THNSL2: variants seen among roughly 807,000 people sequenced by gnomAD.
THNSL2 encodes threonine synthase-like 2.
THNSL2 carries 34 observed loss-of-function variants against 40.0 expected under a neutral mutation model. That is an observed-to-expected ratio of 0.85 (90% CI 0.65 to 1.13). The LOEUF is 1.13. THNSL2 is among the 50% of genes most tolerant of loss of function. THNSL2 has a pLI of 0.00. For missense variants in THNSL2, 537 were observed against 608.8 expected (o/e 0.88, Z 1.24); for synonymous variants, 241 against 247.5 (o/e 0.97, Z 0.25).
At chr2:88,182,517 A>G in intron 5 of THNSL2, 182 bp from the exon 6 acceptor site, 1 of 557,870 alleles carries the variant, frequency 1.8e-6, no homozygotes, top group East Asian at 2.9e-5. Context: ...CTTATCAGAT[A>G]TATGAATTGC....
intron 7 of THNSL2, among the ~76,000 whole-genome samples, chr2:88,184,773 A>C (rs1430600938): frequency 1.2e-5 from 1 of 82,854 alleles, no homozygotes; most frequent in Non-Finnish European, 3.0e-5. Flanking sequence ...GTCTCAAAAA[A>C]AAGAAAAGAA....
rs1277767234 is a variant in THNSL2, at chr2:88,174,769, C to T, written c.354C>T (p.Ser118=). 8.7e-6 allele frequency: 14 copies of T among 1,614,058 alleles called. No individual in the cohort carries two copies. Among genetic ancestry groups the T allele is most frequent in the Non-Finnish European group, 1.2e-5 (14 of 1,180,042 alleles). The change falls in exon 3 of 9, where the codon TCC becomes TCT. Residue 118 remains serine, a synonymous_variant. Transcript: ENST00000674334. Reference sequence around the variant, plus strand: ...ATGCATTTAAGGACCTGTCCCTGTCCTGCACAACACAGTTCCTGCAGTACT... The same window carrying T: ...ATGCATTTAAGGACCTGTCCCTGTCTTGCACAACACAGTTCCTGCAGTACT... The part of the protein sequence containing the change: ...VTYAFKDLSL[S]CTTQFLQYFL...
chr2:88,171,196 A>G (rs1042429985), intron 1 of THNSL2: 5 of 441,788 alleles, frequency 1.1e-5, no homozygotes, highest in Non-Finnish European at 2.3e-5. Flanking sequence ...TCTGGCTTAC[A>G]TTGAACCCAA....
intron 5 of THNSL2, among the ~76,000 whole-genome samples, chr2:88,181,111 CCTCTCTCTCTCCTCTCTCTCCT>C (rs760641010): frequency 0.32 from 6,576 of 20,354 alleles, 570 homozygotes; most frequent in Middle Eastern, 0.5. Context: ...TCCTCTCTCT[CCTCTCTCTCTCCTCTCTCTCCT>C]CTCTCTCTCC....
chr2:88,177,283 A>G (rs551913143), intron 4 of THNSL2: 1 of 152,160 alleles, frequency 6.6e-6, no homozygotes, highest in Admixed American at 6.5e-5. Context: ...TTTGGTTTTA[A>G]GGAGGATGTG....
At chr2:88,179,942 A>G (rs1248225032) in intron 5 of THNSL2, among the ~76,000 whole-genome samples, 2 of 152,246 alleles carry the variant, frequency 1.3e-5, no homozygotes, top group African/African-American at 4.8e-5. Flanking sequence ...ATGGGCACCA[A>G]GGATGGTCTA....
Position 88,186,201 on chromosome 2 carries a change from A to C in THNSL2, c.*78A>C. 5 of 1,396,680 alleles carry C rather than the reference A, an allele frequency of 3.6e-6. No individual in the cohort carries two copies. Among genetic ancestry groups the C allele is most frequent in the Non-Finnish European group, 4.9e-6 (5 of 1,011,314 alleles). The allele number at this position is 1,396,680 out of a possible 1,614,324, so 86.5% of individuals were successfully genotyped here. On this transcript the variant is annotated 3_prime_UTR_variant, in exon 9 of 9. Transcript: ENST00000674334. ...CTGAGCTGCCTTGTGCACCCTCCCC[A>C]TTAAGCGTAGGTTAGGAGGTTTCCG...
At chr2:88,182,573 T>C in intron 5 of THNSL2, 126 bp from the exon 6 acceptor site, 1 of 1,124,164 alleles carries the variant, frequency 8.9e-7, no homozygotes, top group South Asian at 2.3e-5. Flanking sequence ...CTTGATAGTG[T>C]CCTTTTTAAA....
chr2:88,175,402 G>A lies in THNSL2; in HGVS notation c.571+1G>A. 1 of 1,614,070 alleles carries A rather than the reference G, an allele frequency of 6.2e-7. No individual in the cohort carries two copies. Among genetic ancestry groups the A allele is most frequent in the Non-Finnish European group, 8.5e-7 (1 of 1,180,002 alleles). On this transcript the variant is annotated splice_donor_variant, in intron 4 of 8. Transcript: ENST00000674334. LOFTEE classifies it high-confidence loss of function. ...AAGCAGAACGTACATGTGTTTGGAG[G>A]TGTGTGCTGAGGCAGAGGCTCTAGG...
At chr2:88,182,554 T>C in intron 5 of THNSL2, 145 bp from the exon 6 acceptor site, 1 of 929,606 alleles carries the variant, frequency 1.1e-6, no homozygotes, top group South Asian at 3.0e-5. Context: ...CGAGTTGCCT[T>C]TTCATTTTCT....
intron 2 of THNSL2, 38 bp downstream of exon 2, chr2:88,173,411 C>T (rs1435871236): frequency 6.7e-7 from 1 of 1,486,368 alleles, no homozygotes; most frequent in South Asian, 1.3e-5. Context: ...CTTCCAGCCC[C>T]TGCCAGCTCA....
intron 3 of THNSL2, among the ~76,000 whole-genome samples, 187 bp from the exon 4 acceptor site, chr2:88,175,062 A>G (rs1014707890): frequency 1.3e-5 from 2 of 152,238 alleles, no homozygotes; most frequent in Admixed American, 6.5e-5. Context: ...GATGTGGTTC[A>G]CAAGTTCACT....
chr2:88,186,017 G>T lies in THNSL2; in HGVS notation c.1349G>T (p.Arg450Leu), dbSNP rs548433501. 2 of 1,609,104 alleles carry T rather than the reference G, an allele frequency of 1.2e-6. No homozygotes were observed. Among genetic ancestry groups the T allele is most frequent in the Admixed American group, 1.7e-5 (1 of 59,334 alleles). ...GTAGCCCTGGAGCACAAGGAGACACGCTGCACCCTGATGCGGAGAGGTGAC... is the reference window on the plus strand; with the variant it reads ...GTAGCCCTGGAGCACAAGGAGACACTCTGCACCCTGATGCGGAGAGGTGAC... Reference protein sequence around the residue: ...EIVALEHKETRCTLMRRGDNW... With the variant: ...EIVALEHKETLCTLMRRGDNW... The change falls in exon 9 of 9, where the codon CGC becomes CTC. Residue 450 changes from arginine to leucine, a missense_variant. Transcript: ENST00000674334.
Position 88,178,921 on chromosome 2 carries a change from T to G in THNSL2, c.710T>G (p.Phe237Cys). The G allele has an allele frequency of 6.2e-7, 1 of 1,614,232 alleles. No homozygotes were observed. Among genetic ancestry groups the G allele is most frequent in the Non-Finnish European group, 8.5e-7 (1 of 1,180,034 alleles). The change falls in exon 5 of 9, where the codon TTT becomes TGT. Residue 237 changes from phenylalanine (F) to cysteine (C), a missense_variant. Phe to Cys is a radical substitution (Grantham distance 205). Transcript: ENST00000674334. ...CTGGTGCAGATGGCCCATCACTTCT[T>G]TGCTTACTTCCAGTGTACGCCATCC... ...RVLVQMAHHF[F>C]AYFQCTPSLD...
chr2:88,185,612 T>A (rs1391056855), intron 8 of THNSL2, 133 bp downstream of exon 8: 2 of 1,551,434 alleles, frequency 1.3e-6, no homozygotes, highest in East Asian at 4.9e-5. Context: ...TGTGTGGAAC[T>A]GTGCCTTGGA....
chr2:88,171,894 A>T (rs1022806592), intron 1 of THNSL2: 2 of 152,508 alleles, frequency 1.3e-5, no homozygotes, highest in African/African-American at 4.8e-5. Context: ...TCTCTAAGTG[A>T]GATACACTTA....
At chr2:88,182,455 T>C in intron 5 of THNSL2, 1 of 352,114 alleles carries the variant, frequency 2.8e-6, no homozygotes, top group Non-Finnish European at 5.0e-6. Context: ...GGGTTATTTG[T>C]ATTTTTATTA....
chr2:88,171,868 A>G (rs1433140122), intron 1 of THNSL2: 1 of 152,582 alleles, frequency 6.6e-6, no homozygotes, highest in Admixed American at 6.5e-5. Context: ...GGTTTGTATG[A>G]TCAAGTTTGT....
rs1490583783 is a variant in THNSL2, at chr2:88,175,274, T to G, written c.444T>G (p.Ala148=). The change falls in exon 4 of 9, where the codon GCT becomes GCG. Residue 148 remains alanine, a synonymous_variant. Transcript: ENST00000674334. ...VVGTSGDTGS[A]AIESVQGAKN... Reference sequence around the variant, plus strand: ...GAACATCTGGGGACACAGGAAGTGCTGCCATTGAGAGTGTTCAAGGGGCAA... The same window carrying G: ...GAACATCTGGGGACACAGGAAGTGCGGCCATTGAGAGTGTTCAAGGGGCAA... 6.2e-7 allele frequency: 1 copy of G among 1,614,196 alleles called. No homozygotes were observed. Among genetic ancestry groups the G allele is most frequent in the East Asian group, 2.2e-5 (1 of 44,884 alleles).
Sources: allele counts gnomAD v4.1 joint callset (sites outside exome capture counted in the v4.1 genomes callset), GRCh38; gene constraint gnomAD v4.1.1; transcripts MANE v1.5; gene names NCBI Gene and HGNC (gene_info 2026-07-23, HGNC 2026-07-21).